TXNRD2: variants seen among roughly 807,000 people sequenced by gnomAD.
The protein encoded by TXNRD2 is thioredoxin reductase 2, also known as thioredoxin reductase 2, mitochondrial.
TXNRD2 carries 67 observed loss-of-function variants against 70.8 expected under a neutral mutation model. The ratio of observed to expected loss-of-function variants is 0.95; its 90% CI spans 0.78 to 1.16. The LOEUF is 1.16. Ranked by LOEUF, TXNRD2 falls within the 50% of genes most tolerant of loss-of-function variation. The probability of loss-of-function intolerance (pLI) is 0.00; values close to 1 mark genes in which losing one functional copy is unlikely to be tolerated. For missense variants in TXNRD2, 644 were observed against 719.9 expected (o/e 0.89, Z 1.21); for synonymous variants, 301 against 295.8 (o/e 1.02, Z -0.18).
intron 11 of TXNRD2, 196 bp downstream of exon 11, chr22:19,895,211 C>A (rs1435735645): frequency 6.3e-7 from 1 of 1,597,726 alleles, no homozygotes; most frequent in Non-Finnish European, 8.5e-7. Context: ...CTGGGGATGG[C>A]AAGATGGGCA....
At chr22:19,906,744 A>G (rs937563008) in intron 8 of TXNRD2, among the ~76,000 whole-genome samples, 5 of 152,214 alleles carry the variant, frequency 3.3e-5, no homozygotes, top group African/African-American at 1.2e-4. Flanking sequence ...ACAAACCACG[A>G]TCAGTGGGTC....
intron 8 of TXNRD2, among the ~76,000 whole-genome samples, chr22:19,905,466 C>A (rs1939967654): frequency 6.6e-6 from 1 of 152,208 alleles, no homozygotes; most frequent in Admixed American, 6.5e-5. Context: ...CAAGCCCCAG[C>A]CACCTTGCTA....
At chr22:19,878,876 G>A (rs776565962) in intron 14 of TXNRD2, among the ~76,000 whole-genome samples, 9 of 152,238 alleles carry the variant, frequency 5.9e-5, no homozygotes, top group African/African-American at 1.9e-4. Flanking sequence ...CAAGGCCGCT[G>A]TGGCCACACC....
At chr22:19,895,207 A>G in intron 11 of TXNRD2, 200 bp downstream of exon 11, 15 of 1,597,978 alleles carry the variant, frequency 9.4e-6, no homozygotes, top group Non-Finnish European at 1.2e-5. Context: ...GGTGCTGGGG[A>G]TGGCAAGATG....
rs746742869 is a variant in TXNRD2, at chr22:19,877,073, G to A, written c.*32C>T. On this transcript the variant is annotated 3_prime_UTR_variant, in exon 17 of 18. Transcript: ENST00000400521. Reference sequence around the variant, plus strand: ...GGCCTCCGAGGAGCTGGCGGCGGGCGCACCGTGTGCCCTGGCCTGCAGGGA... The same window carrying A: ...GGCCTCCGAGGAGCTGGCGGCGGGCACACCGTGTGCCCTGGCCTGCAGGGA... 16 of 1,574,180 alleles carry A rather than the reference G, an allele frequency of 1.0e-5. No homozygotes were observed. The highest frequency in any genetic ancestry group is 2.2e-5 in the South Asian group (2 of 89,060).
At chr22:19,886,175 G>T (rs530298574) in intron 11 of TXNRD2, among the ~76,000 whole-genome samples, 2 of 152,366 alleles carry the variant, frequency 1.3e-5, no homozygotes, top group Admixed American at 1.3e-4. Flanking sequence ...CAGCCCTGAG[G>T]AGGGCAGCCG....
At chr22:19,901,985 G>C (rs1472153690) in intron 8 of TXNRD2, among the ~76,000 whole-genome samples, 1 of 152,186 alleles carries the variant, frequency 6.6e-6, no homozygotes, top group Non-Finnish European at 1.5e-5. Context: ...GACTGCTTGA[G>C]CCCGGGAGTT....
At chr22:19,906,590 C>T (rs1569089945) in intron 8 of TXNRD2, among the ~76,000 whole-genome samples, 1 of 152,226 alleles carries the variant, frequency 6.6e-6, no homozygotes, top group East Asian at 1.9e-4. Flanking sequence ...CCACTGCACT[C>T]CAGCCTGGGC....
chr22:19,908,165 C>T (rs1377379710), intron 8 of TXNRD2, among the ~76,000 whole-genome samples: 2 of 147,372 alleles, frequency 1.4e-5, no homozygotes, highest in African/African-American at 5.0e-5. Flanking sequence ...GTGTGGGCGC[C>T]GTGGGTAGCA....
chr22:19,882,722 G>A (rs1253925164), intron 12 of TXNRD2, among the ~76,000 whole-genome samples: 1 of 152,224 alleles, frequency 6.6e-6, no homozygotes, highest in Non-Finnish European at 1.5e-5. Context: ...CTGCCAGGGT[G>A]CAGTATCCCA....
chr22:19,934,466 G>C (rs1941476371), intron 1 of TXNRD2, among the ~76,000 whole-genome samples: 1 of 151,890 alleles, frequency 6.6e-6, no homozygotes, highest in Non-Finnish European at 1.5e-5. Context: ...ACCCCGAATG[G>C]AGGGACTGGC....
At chr22:19,919,718 G>A in intron 2 of TXNRD2, 119 bp from the exon 3 acceptor site, 1 of 988,120 alleles carries the variant, frequency 1.0e-6, no homozygotes, top group Non-Finnish European at 1.6e-6. Context: ...GCCTGCGGCT[G>A]CCCACACAGT....
At chr22:19,900,867 G>A (rs1269809496) in intron 8 of TXNRD2, among the ~76,000 whole-genome samples, 4 of 152,234 alleles carry the variant, frequency 2.6e-5, no homozygotes, top group Admixed American at 6.5e-5. Context: ...ATTGTGTGGT[G>A]CCCTTTGCCC....
At chr22:19,906,117 C>T (rs944452271) in intron 8 of TXNRD2, among the ~76,000 whole-genome samples, 4 of 151,974 alleles carry the variant, frequency 2.6e-5, no homozygotes, top group Non-Finnish European at 5.9e-5. Context: ...CACAAACCAG[C>T]TGGAGGGTAA....
At chr22:19,937,030 A>T (rs1569117590) in intron 1 of TXNRD2, among the ~76,000 whole-genome samples, 1 of 152,180 alleles carries the variant, frequency 6.6e-6, no homozygotes, top group Admixed American at 6.6e-5. Flanking sequence ...ACTTCTCCAT[A>T]TGTTAAAACG....
At chr22:19,928,713 G>A (rs1001486808) in intron 2 of TXNRD2, among the ~76,000 whole-genome samples, 5 of 152,110 alleles carry the variant, frequency 3.3e-5, no homozygotes, top group African/African-American at 1.2e-4. Context: ...TCTTCAAAAA[G>A]GTAATTAAGT....
intron 1 of TXNRD2, among the ~76,000 whole-genome samples, chr22:19,934,089 C>T (rs768320214): frequency 3.3e-5 from 5 of 152,178 alleles, no homozygotes; most frequent in Non-Finnish European, 7.3e-5. Context: ...AGGCTGGCCA[C>T]CTCAGGGTGC....
intron 7 of TXNRD2, among the ~76,000 whole-genome samples, chr22:19,914,446 T>C (rs1940544237): frequency 6.6e-6 from 1 of 152,192 alleles, no homozygotes; most frequent in Non-Finnish European, 1.5e-5. Flanking sequence ...CACACTACAA[T>C]GTAGGTGAAC....
chr22:19,891,793 T>C (rs1939273295), intron 11 of TXNRD2: 1 of 152,224 alleles, frequency 6.6e-6, no homozygotes, highest in Non-Finnish European at 1.5e-5. Context: ...AGACAAACAA[T>C]GAGCGGGGGC....
Sources: allele counts gnomAD v4.1 joint callset (sites outside exome capture counted in the v4.1 genomes callset), GRCh38; gene constraint gnomAD v4.1.1; transcripts MANE v1.5; gene names NCBI Gene and HGNC (gene_info 2026-07-23, HGNC 2026-07-21).